Variants in ZNF831 observed in about 807,000 individuals in gnomAD.
ZNF831 encodes chromosome 20 open reading frame 174.
Under a neutral mutation model 95.8 loss-of-function variants are expected in ZNF831, and 59 were observed. The observed-to-expected ratio is 0.62, with a 90% CI of 0.50 to 0.77. The LOEUF is 0.77. Among genes scored for constraint, ZNF831 ranks in the 30% least tolerant of loss-of-function variants. The pLI, the probability that ZNF831 is intolerant of heterozygous loss-of-function variation, is 0.00. For missense variants in ZNF831, 2,205 were observed against 2,164.0 expected (o/e 1.02, Z -0.38); for synonymous variants, 961 against 925.5 (o/e 1.04, Z -0.70).
chr20:59,197,808 G>A (rs1343718319), intron 3 of ZNF831, among the ~76,000 whole-genome samples: 8 of 152,316 alleles, frequency 5.3e-5, no homozygotes, highest in Non-Finnish European at 2.9e-5. Flanking sequence ...TTCGAGTGCT[G>A]CTCTTGGAGG....
chr20:59,133,058 C>T (rs78218106), intron 1 of ZNF831, among the ~76,000 whole-genome samples: 22 of 66,864 alleles, frequency 3.3e-4, no homozygotes, highest in South Asian at 8.1e-4. Context: ...TGCTATGCTC[C>T]GGTCCTGCAT....
intron 4 of ZNF831, among the ~76,000 whole-genome samples, chr20:59,235,388 G>A (rs955897699): frequency 7.9e-5 from 12 of 152,064 alleles, no homozygotes; most frequent in South Asian, 2.1e-4. Context: ...TGCTGCATGC[G>A]TTTCCTTTCG....
rs1197915744 is a variant in ZNF831 at position 59,192,925 on chromosome 20, A to G, written c.1906A>G (p.Lys636Glu). The change falls in exon 2 of 6, where the codon AAA becomes GAA. Residue 636 changes from lysine (K) to glutamate (E), a missense_variant. Coordinates refer to ENST00000371030, the MANE Select transcript of ZNF831 (RefSeq NM_178457.3). The surrounding 1 kb of genome is among the most constrained non-coding windows in gnomAD (Gnocchi z 5.2). ...ETFKRIYQKM[K>E]ASPHGGKKAR... ...GTTCAAAAGGATCTACCAGAAAATG[A>G]AAGCCAGTCCCCATGGAGGCAAGAA... is the stretch of plus-strand genomic sequence containing the variant. 6.2e-7 allele frequency: 1 copy of G among 1,600,902 alleles called. No homozygotes were observed. Among genetic ancestry groups the G allele is most frequent in the South Asian group, 1.1e-5 (1 of 88,252 alleles).
chr20:59,235,455 C>T (rs973887538), intron 4 of ZNF831, among the ~76,000 whole-genome samples: 8 of 152,164 alleles, frequency 5.3e-5, no homozygotes, highest in African/African-American at 1.9e-4. Context: ...CTTATGTTTC[C>T]TGTGATGCAG....
intron 1 of ZNF831, among the ~76,000 whole-genome samples, chr20:59,136,224 C>T (rs1344345821): frequency 2.0e-5 from 3 of 152,186 alleles, no homozygotes; most frequent in Admixed American, 6.5e-5. Context: ...TCCTTCCCCT[C>T]CTGCCTCATC....
At chr20:59,152,359 T>C (rs1434688187) in intron 2 of ZNF831, among the ~76,000 whole-genome samples, 2 of 152,098 alleles carry the variant, frequency 1.3e-5, no homozygotes, top group African/African-American at 4.8e-5. Flanking sequence ...GAGGCCTTGG[T>C]TGAGGAGGCA....
intron 4 of ZNF831, among the ~76,000 whole-genome samples, chr20:59,239,606 G>T (rs1290238329): frequency 7.1e-6 from 1 of 141,304 alleles, no homozygotes; most frequent in Non-Finnish European, 1.5e-5. Flanking sequence ...CTGGAGTATA[G>T]TGACCTTGGC....
At chr20:59,220,600 C>T (rs556114058) in intron 4 of ZNF831, among the ~76,000 whole-genome samples, 1 of 152,328 alleles carries the variant, frequency 6.6e-6, no homozygotes, top group East Asian at 1.9e-4. Flanking sequence ...ATCTTTAACA[C>T]TTGCCTAAAC....
chr20:59,161,857 G>A (rs1418926430), upstream of ZNF831, among the ~76,000 whole-genome samples: 3 of 152,268 alleles, frequency 2.0e-5, no homozygotes, highest in Non-Finnish European at 4.4e-5. Context: ...CACAGGGGTT[G>A]AACTAATTTA....
Position 59,192,540 on chromosome 20 carries a change from G to A in ZNF831, c.1521G>A (p.Leu507=), listed in dbSNP as rs1245609327. ...TCCCCGTCACCAGGAGCAACTCGCT[G>A]CCCTTCGTCGAGGGCTCCAGGACGT... ...ECVPVTRSNS[L]PFVEGSRTWL... The change falls in exon 2 of 6, where the codon CTG becomes CTA. Residue 507 remains leucine (L), a synonymous_variant. Transcript: ENST00000371030. The surrounding 1 kb of genome is among the most constrained non-coding windows in gnomAD (Gnocchi z 5.2). 1 of 1,527,320 alleles carries A rather than the reference G, an allele frequency of 6.5e-7. No individual in the cohort carries two copies. Among genetic ancestry groups the A allele is most frequent in the Admixed American group, 2.2e-5 (1 of 46,426 alleles). 94.6% of individuals were successfully genotyped at this position (1,527,320 alleles called of 1,614,324 possible). A position where few individuals can be genotyped will look rare whatever the true frequency, so the allele number is the denominator to read the frequency against.
At chr20:59,201,496 AC>A (rs1318642675) in intron 3 of ZNF831, among the ~76,000 whole-genome samples, 1 of 152,058 alleles carries the variant, frequency 6.6e-6, no homozygotes, top group African/African-American at 2.4e-5. Context: ...TATTTAATTT[AC>A]CTTTTTTTGT....
At chr20:59,132,209 G>A (rs965594092) in intron 1 of ZNF831, among the ~76,000 whole-genome samples, 2 of 151,424 alleles carry the variant, frequency 1.3e-5, no homozygotes, top group South Asian at 2.1e-4. Flanking sequence ...CATTCTATCA[G>A]CATTTTAAAT....
chr20:59,214,653 A>C (rs952425530), intron 4 of ZNF831, among the ~76,000 whole-genome samples: 1 of 152,262 alleles, frequency 6.6e-6, no homozygotes, highest in African/African-American at 2.4e-5. Flanking sequence ...ACATGTGCTC[A>C]CATGCTCTTG....
chr20:59,212,523 G>C (rs1211978910), intron 4 of ZNF831, among the ~76,000 whole-genome samples: 1 of 152,196 alleles, frequency 6.6e-6, no homozygotes, highest in Non-Finnish European at 1.5e-5. Flanking sequence ...GGCTGAGTGT[G>C]ACTAAGAATG....
intron 4 of ZNF831, among the ~76,000 whole-genome samples, chr20:59,247,781 T>C (rs1404968400): frequency 6.6e-6 from 1 of 152,090 alleles, no homozygotes; most frequent in Non-Finnish European, 1.5e-5. Flanking sequence ...ATTCATGGAG[T>C]TTTGGTGTAT....
chr20:59,133,626 T>G (rs1310546807), intron 1 of ZNF831, among the ~76,000 whole-genome samples: 4 of 152,086 alleles, frequency 2.6e-5, no homozygotes, highest in Non-Finnish European at 5.9e-5. Flanking sequence ...GGTGTAGGGC[T>G]GGGGACACAA....
intron 2 of ZNF831, among the ~76,000 whole-genome samples, chr20:59,154,932 C>T (rs768319197): frequency 4.6e-5 from 7 of 152,172 alleles, no homozygotes; most frequent in Non-Finnish European, 8.8e-5. Context: ...AAAATCACTT[C>T]ACTCATGTAC....
intron 5 of ZNF831, 29 bp from the exon 6 acceptor site, chr20:59,253,869 C>CCGGGTG: frequency 3.7e-6 from 4 of 1,067,564 alleles, no homozygotes; most frequent in Non-Finnish European, 3.7e-6. Context: ...TCCCCCCCCA[C>CCGGGTG]TTTTTTTTTC....
chr20:59,234,911 A>C (rs1026869911), intron 4 of ZNF831, among the ~76,000 whole-genome samples: 1 of 152,220 alleles, frequency 6.6e-6, no homozygotes, highest in Non-Finnish European at 1.5e-5. Flanking sequence ...TTAATGACCC[A>C]TTAACTATTG....
Sources: gnomAD v4.1 joint callset for allele counts (sites outside exome capture counted in the v4.1 genomes callset) on GRCh38, gnomAD v4.1.1 for gene constraint, Gnocchi (gnomAD v3.1) non-coding constraint, MANE v1.5 for transcripts, NCBI Gene and HGNC (gene_info 2026-07-23, HGNC 2026-07-21) for gene names.